XKR9: variants seen among roughly 807,000 people sequenced by gnomAD.
XKR9 encodes XK related 9.
A neutral mutation model predicts 32.0 loss-of-function variants in XKR9; 32 were observed. The ratio of observed to expected loss-of-function variants is 1.00; its 90% CI spans 0.76 to 1.34. XKR9 has a LOEUF of 1.34. Among genes scored for constraint, XKR9 ranks in the 40% most tolerant of loss-of-function variants. The probability of loss-of-function intolerance (pLI) is 0.00; values close to 1 mark genes in which losing one functional copy is unlikely to be tolerated. For missense variants in XKR9, 546 were observed against 429.7 expected (o/e 1.27, Z -2.39); for synonymous variants, 168 against 143.4 (o/e 1.17, Z -1.22).
At chr8:70,793,907 A>G (rs1349724894), downstream of XKR9, among the ~76,000 whole-genome samples, 1 of 152,026 alleles carries the variant, frequency 6.6e-6, no homozygotes, top group Non-Finnish European at 1.5e-5. Context: ...TGAAGTTTTG[A>G]TAGTGAGTGC....
rs1476779776 is a variant in XKR9, at chr8:70,681,424, A to G, written c.272+94A>G. On this transcript the variant is annotated intron_variant, in intron 3 of 4. Transcript: ENST00000408926. ...TATCTGGGTAGTCAAATGTACAAAGATCCCTTATTTGCATGAAGCACAAAG... is the reference window on the plus strand; with the variant it reads ...TATCTGGGTAGTCAAATGTACAAAGGTCCCTTATTTGCATGAAGCACAAAG... The G allele has an allele frequency of 2.1e-6, 3 of 1,424,068 alleles. No individual in the cohort carries two copies. The African/African-American group carries it at 4.4e-5, about 21-fold the overall frequency. 88.2% of individuals were successfully genotyped at this position (1,424,068 alleles called of 1,614,324 possible).
intron 2 of XKR9, among the ~76,000 whole-genome samples, chr8:70,744,102 G>C (rs1180426004): frequency 6.6e-6 from 1 of 151,950 alleles, no homozygotes; most frequent in Non-Finnish European, 1.5e-5. Flanking sequence ...CCTGACGTCA[G>C]GAGTTCAAGA....
At chr8:71,002,664 C>T in the XKR9 span, among the ~76,000 whole-genome samples, 99 of 152,238 alleles carry the variant, frequency 6.5e-4, no homozygotes, top group African/African-American at 2.2e-3. Context: ...AGCTTCACAA[C>T]CACTACAAGT....
intron 2 of XKR9, 33 bp from the exon 3 acceptor site, chr8:70,680,748 T>C (rs1193026273): frequency 1.1e-5 from 2 of 178,350 alleles, no homozygotes; most frequent in Non-Finnish European, 2.4e-5. Flanking sequence ...ATACTTAAGA[T>C]ATTTTGGAAC....
chr8:70,870,431 C>T, the XKR9 span, among the ~76,000 whole-genome samples: 20 of 152,174 alleles, frequency 1.3e-4, no homozygotes, highest in African/African-American at 4.8e-4. Context: ...TCAGCCCAGA[C>T]ATCACCAGAG....
At chr8:70,863,892 T>C in the XKR9 span, among the ~76,000 whole-genome samples, 4 of 152,224 alleles carry the variant, frequency 2.6e-5, no homozygotes, top group African/African-American at 9.6e-5. Context: ...AAAATTACTA[T>C]ACCAATGTAG....
intron 4 of XKR9, 151 bp from the exon 5 acceptor site, chr8:70,733,645 A>G (rs1272288647): frequency 1.3e-6 from 1 of 784,098 alleles, no homozygotes; most frequent in Non-Finnish European, 1.8e-6. Context: ...CCCATACATA[A>G]TAATATCTAC....
chr8:71,044,461 A>G, the XKR9 span, among the ~76,000 whole-genome samples: 5 of 152,228 alleles, frequency 3.3e-5, no homozygotes, highest in Admixed American at 3.3e-4. Context: ...AGCATGAAAA[A>G]TAAATTACCT....
the XKR9 span, among the ~76,000 whole-genome samples, chr8:70,968,718 G>A: frequency 6.6e-6 from 1 of 151,994 alleles, no homozygotes; most frequent in African/African-American, 2.4e-5. Flanking sequence ...CAGTTTGCTG[G>A]GGGTCCACTC....
At chr8:70,738,754 T>C (rs1806909679), downstream of XKR9, among the ~76,000 whole-genome samples, 1 of 152,226 alleles carries the variant, frequency 6.6e-6, no homozygotes, top group Admixed American at 6.5e-5. Flanking sequence ...GAGCAGGTTG[T>C]TCAGTTTCCG....
chr8:70,804,789 TATC>T, the XKR9 span, among the ~76,000 whole-genome samples: 2 of 152,336 alleles, frequency 1.3e-5, no homozygotes, highest in East Asian at 3.9e-4. Context: ...AATTTTTTGT[TATC>T]ATTTTTGTCT....
In XKR9 at chr8:70,734,591, C is replaced by G. The variant is rs1396259988; in HGVS notation, c.*167C>G. On this transcript the variant is annotated 3_prime_UTR_variant, in exon 5 of 5. Transcript: ENST00000408926. ...TATTTTATTTTTAAAATTAATTTCT[C>G]ATTTGGTTTTGAAGATCTTGAGTAC... 2.3e-5 allele frequency: 22 copies of G among 973,324 alleles called. No homozygotes were observed. The highest frequency in any genetic ancestry group is 3.4e-5 in the African/African-American group (2 of 58,362). 60.3% of individuals were successfully genotyped at this position (973,324 alleles called of 1,614,324 possible).
chr8:70,680,643 C>G (rs1313115899), intron 2 of XKR9, 138 bp from the exon 3 acceptor site: 1 of 152,564 alleles, frequency 6.6e-6, no homozygotes, highest in African/African-American at 2.4e-5. Context: ...CTGAGACTTT[C>G]CCAAAGCTAT....
chr8:70,682,399 T>A (rs1015515738), intron 3 of XKR9, among the ~76,000 whole-genome samples: 5 of 152,188 alleles, frequency 3.3e-5, no homozygotes, highest in African/African-American at 4.8e-5. Flanking sequence ...ATTCTAATAA[T>A]GGAAAATTTG....
chr8:71,033,388 G>A, the XKR9 span, among the ~76,000 whole-genome samples: 1 of 152,304 alleles, frequency 6.6e-6, no homozygotes, highest in East Asian at 1.9e-4. Flanking sequence ...TTCATAGTAA[G>A]TACTCAGAAA....
the XKR9 span, among the ~76,000 whole-genome samples, chr8:71,013,079 G>A: frequency 2.6e-5 from 4 of 152,128 alleles, no homozygotes; most frequent in Admixed American, 6.5e-5. Flanking sequence ...AGTGAGTGTT[G>A]TAATGATGAG....
chr8:70,897,894 G>T, the XKR9 span, among the ~76,000 whole-genome samples: 1 of 151,876 alleles, frequency 6.6e-6, no homozygotes, highest in African/African-American at 2.4e-5. Context: ...ATTTTGCTTT[G>T]GTTGCCTGTG....
chr8:70,897,464 C>G, the XKR9 span, among the ~76,000 whole-genome samples: 2 of 152,272 alleles, frequency 1.3e-5, no homozygotes, highest in East Asian at 3.9e-4. Flanking sequence ...CTGTACTATT[C>G]TCCATAGTGG....
At chr8:70,754,386 A>T (rs1380841216) in intron 2 of XKR9, among the ~76,000 whole-genome samples, 9 of 129,726 alleles carry the variant, frequency 6.9e-5, no homozygotes, top group Admixed American at 6.7e-4. Flanking sequence ...GCTACCAATG[A>T]CTTTCTTCAC....
Sources: allele counts gnomAD v4.1 joint callset (sites outside exome capture counted in the v4.1 genomes callset), GRCh38; gene constraint gnomAD v4.1.1; transcripts MANE v1.5; gene names NCBI Gene and HGNC (gene_info 2026-07-23, HGNC 2026-07-21).